Variants in SUZ12 observed in about 807,000 individuals in gnomAD.
The protein encoded by SUZ12 is polycomb protein SUZ12.
SUZ12 carries 17 observed loss-of-function variants against 87.3 expected under a neutral mutation model. That is an observed-to-expected ratio of 0.19 (90% CI 0.13 to 0.29). The LOEUF (loss-of-function observed/expected upper bound fraction) is 0.29. Ranked by LOEUF, SUZ12 falls within the 10% of genes least tolerant of loss-of-function variation. The pLI is 1.00. For synonymous variants in SUZ12, 253 were observed against 312.4 expected (o/e 0.81, Z 2.01); for missense variants, 526 against 912.2 (o/e 0.58, Z 5.45).
chr17:31,984,126 T>C (rs369934417), intron 9 of SUZ12, among the ~76,000 whole-genome samples: 255 of 152,314 alleles, frequency 1.7e-3, no homozygotes, highest in Middle Eastern at 6.9e-3. Context: ...TAGTATGATA[T>C]ACGATATACA....
chr17:31,966,063 G>A (rs891489103), intron 4 of SUZ12, 84 bp from the exon 5 acceptor site: 8 of 1,250,178 alleles, frequency 6.4e-6, no homozygotes, highest in Middle Eastern at 2.8e-4. Flanking sequence ...AAGTAACTTT[G>A]ATTTCAATGT....
chr17:31,964,107 A>G (rs1439393716), intron 4 of SUZ12, among the ~76,000 whole-genome samples: 10,486 of 148,800 alleles, frequency 0.07, no homozygotes, highest in African/African-American at 0.23. Context: ...GCTGACTGCA[A>G]CCTCTGCCTC....
At chr17:31,944,375 A>C (rs536221360) in intron 3 of SUZ12, among the ~76,000 whole-genome samples, 1 of 151,788 alleles carries the variant, frequency 6.6e-6, no homozygotes, top group Non-Finnish European at 1.5e-5. Flanking sequence ...TGATCTGCCC[A>C]CCTCGGACTC....
chr17:31,976,763 T>A (rs978656475), intron 8 of SUZ12, 149 bp downstream of exon 8: 1 of 621,916 alleles, frequency 1.6e-6, no homozygotes, highest in African/African-American at 1.9e-5. Flanking sequence ...ACACTGAATT[T>A]TTGTCTGTTT....
At chr17:31,979,417 T>TTTA (rs2142186893) in intron 8 of SUZ12, among the ~76,000 whole-genome samples, 1 of 152,330 alleles carries the variant, frequency 6.6e-6, no homozygotes, top group Non-Finnish European at 1.5e-5. Context: ...AATAATGTCC[T>TTTA]TTATAATTTG....
At chr17:31,979,293 T>G (rs777877479) in intron 8 of SUZ12, among the ~76,000 whole-genome samples, 120 of 152,192 alleles carry the variant, frequency 7.9e-4, no homozygotes, top group Non-Finnish European at 1.1e-3. Context: ...ATTCCTCATT[T>G]ATAAACTCTC....
rs1909885030 is a variant in SUZ12, at chr17:31,994,736, C to T, written c.1595+15C>T. On this transcript the variant is annotated intron_variant, in intron 13 of 15. Coordinates refer to ENST00000322652, the MANE Select transcript of SUZ12 (RefSeq NM_015355.4). ...CTTGTGTGCAGGTAGGTAAAAAGGG[C>T]ATATAAGAAAAGTTTAAGCTCTGAT... The T allele has an allele frequency of 6.2e-7, 1 of 1,606,036 alleles. No individual in the cohort carries two copies. The highest frequency in any genetic ancestry group is 8.5e-7 in the Non-Finnish European group (1 of 1,175,922).
intron 15 of SUZ12, among the ~76,000 whole-genome samples, chr17:31,997,416 A>C (rs1395801865): frequency 6.6e-6 from 1 of 152,142 alleles, no homozygotes; most frequent in Admixed American, 6.5e-5. Flanking sequence ...TAATCCCAGT[A>C]CTTTGGGAGG....
chr17:31,980,234 T>C (rs980457282), intron 8 of SUZ12, among the ~76,000 whole-genome samples: 2 of 151,954 alleles, frequency 1.3e-5, no homozygotes, highest in African/African-American at 4.8e-5. Flanking sequence ...AGCTTTGATA[T>C]TTTAAAATCA....
At chr17:31,977,553 C>T (rs986573290) in intron 8 of SUZ12, among the ~76,000 whole-genome samples, 1 of 151,518 alleles carries the variant, frequency 6.6e-6, no homozygotes, top group African/African-American at 2.4e-5. Flanking sequence ...GCTGGGATTA[C>T]AGGCGTGAGC....
intron 10 of SUZ12, 130 bp downstream of exon 10, chr17:31,988,627 C>G (rs919335682): frequency 1.8e-4 from 171 of 958,270 alleles, no homozygotes; most frequent in Non-Finnish European, 2.5e-4. Context: ...GAGTCTTGCT[C>G]TGTTGCCCAG....
chr17:31,991,265 A>T (rs1309317517), intron 10 of SUZ12, among the ~76,000 whole-genome samples: 1 of 152,070 alleles, frequency 6.6e-6, no homozygotes. Flanking sequence ...TAATTCCAGC[A>T]CTTTGGGAGA....
At chr17:31,941,080 T>C (rs1197003492) in intron 3 of SUZ12, among the ~76,000 whole-genome samples, 1 of 152,020 alleles carries the variant, frequency 6.6e-6, no homozygotes, top group African/African-American at 2.4e-5. Context: ...ATATTTTTAC[T>C]CTGTGCCATG....
At chr17:31,960,867 C>T (rs1206747785) in intron 4 of SUZ12, among the ~76,000 whole-genome samples, 2 of 152,262 alleles carry the variant, frequency 1.3e-5, no homozygotes, top group Middle Eastern at 3.4e-3. Context: ...TGTGAGTCAC[C>T]GTGCCTGGCC....
At chr17:31,940,251 T>A (rs777379019) in intron 1 of SUZ12, 35 bp from the exon 2 acceptor site, 4 of 1,589,886 alleles carry the variant, frequency 2.5e-6, no homozygotes, top group Non-Finnish European at 3.4e-6. Context: ...CAAGTAAGTT[T>A]AGATCATGTT....
intron 4 of SUZ12, among the ~76,000 whole-genome samples, chr17:31,960,898 T>C (rs2142151799): frequency 6.6e-6 from 1 of 152,244 alleles, no homozygotes; most frequent in East Asian, 1.9e-4. Flanking sequence ...CTTTTAAAAT[T>C]GGTTAATTGA....
chr17:31,996,494 T>C (rs1016802976), intron 14 of SUZ12, among the ~76,000 whole-genome samples: 2 of 152,072 alleles, frequency 1.3e-5, no homozygotes, highest in African/African-American at 4.8e-5. Flanking sequence ...TAGAGCGTGC[T>C]TGTGATCCCA....
chr17:31,963,404 C>G (rs1011903027), intron 4 of SUZ12, among the ~76,000 whole-genome samples: 2 of 150,962 alleles, frequency 1.3e-5, no homozygotes, highest in African/African-American at 4.8e-5. Flanking sequence ...CATCTCCCAT[C>G]CCGCCTCATC....
intron 4 of SUZ12, among the ~76,000 whole-genome samples, chr17:31,957,230 A>T (rs1354989476): frequency 4.7e-5 from 7 of 148,734 alleles, no homozygotes; most frequent in African/African-American, 7.4e-5. Flanking sequence ...CTACCTGGCT[A>T]CATTTTTTGT....
Sources: gnomAD v4.1 joint callset for allele counts (sites outside exome capture counted in the v4.1 genomes callset) on GRCh38, gnomAD v4.1.1 for gene constraint, MANE v1.5 for transcripts, NCBI Gene and HGNC (gene_info 2026-07-23, HGNC 2026-07-21) for gene names.